Variants in DDI2 observed in about 807,000 individuals in gnomAD.
DDI2 encodes protein DDI1 homolog 2.
In DDI2, 5 loss-of-function variants were observed where a neutral mutation model predicts 48.1. The observed-to-expected ratio is 0.10, with a 90% confidence interval of 0.05 to 0.22. The LOEUF is 0.22. DDI2 is among the 10% of genes least tolerant of loss of function. The pLI, the probability that DDI2 is intolerant of heterozygous loss-of-function variation, is 1.00. For missense variants in DDI2, 285 were observed against 506.2 expected, an observed-to-expected ratio of 0.56 and a Z score of 4.19; for synonymous variants, 205 against 183.6, an observed-to-expected ratio of 1.12 and a Z score of -0.94.
intron 8 of DDI2, among the ~76,000 whole-genome samples, chr1:15,653,457 G>T (rs1344383835): frequency 6.6e-6 from 1 of 151,610 alleles, no homozygotes; most frequent in Non-Finnish European, 1.5e-5. Context: ...GGTTTATTTT[G>T]AAAAGTATCA....
chr1:15,618,487 T>A (rs543947080), intron 1 of DDI2, among the ~76,000 whole-genome samples: 1 of 152,306 alleles, frequency 6.6e-6, no homozygotes, highest in African/African-American at 2.4e-5. Context: ...ACCCTGGTAG[T>A]AAGCCAGAAG....
chr1:15,637,648 G>A (rs992634172), intron 4 of DDI2, among the ~76,000 whole-genome samples: 2 of 152,234 alleles, frequency 1.3e-5, no homozygotes, highest in Non-Finnish European at 2.9e-5. Context: ...GATTACAGGC[G>A]TGAGCCACCG....
chr1:15,638,444 C>T lies in DDI2; in HGVS notation c.760+10C>T. ...GCCTTTGTTGACTCAGGTGACGTCT[C>T]TGTCTTTTATTTCTTGGTCTCCCCT... On this transcript the variant is annotated intron_variant, in intron 5 of 9. Transcript: ENST00000480945. 2 of 1,609,980 alleles carry T rather than the reference C, an allele frequency of 1.2e-6. No individual in the cohort carries two copies. The highest frequency in any genetic ancestry group is 1.7e-6 in the Non-Finnish European group (2 of 1,177,880).
chr1:15,650,653 C>T (rs1640163738), intron 7 of DDI2, among the ~76,000 whole-genome samples: 1 of 152,092 alleles, frequency 6.6e-6, no homozygotes, highest in Non-Finnish European at 1.5e-5. Flanking sequence ...AAGAGGATCC[C>T]TTGAGACCAG....
In DDI2 at chr1:15,632,953, C is replaced by T. The variant is rs573481517; in HGVS notation, c.506-486C>T. ...TTTTAAAAAAAAAAAAACAGGGTCTCACCATGTCACCCAGGCTGGAGTGTG... is the reference window on the plus strand; with the variant it reads ...TTTTAAAAAAAAAAAAACAGGGTCTTACCATGTCACCCAGGCTGGAGTGTG... On this transcript the variant is annotated intron_variant, in intron 3 of 9. Coordinates refer to ENST00000480945, the MANE Select transcript of DDI2 (RefSeq NM_032341.5). 9.2e-5 allele frequency among the ~76,000 whole-genome samples: 13 copies of T among 141,316 alleles called. No individual in the cohort carries two copies. In the East Asian group the frequency reaches 2.7e-3, roughly 29 times the overall value. 92.7% of individuals were successfully genotyped at this position (141,316 alleles called of 152,430 possible). A position where few individuals can be genotyped will look rare whatever the true frequency, so the allele number is the denominator to read the frequency against.
chr1:15,633,762 T>C, intron 4 of DDI2, 197 bp downstream of exon 4: 1 of 738,140 alleles, frequency 1.4e-6, no homozygotes, highest in Non-Finnish European at 2.2e-6. Flanking sequence ...AAGATATAGG[T>C]GCTTAGTTTA....
At position 15,660,996 on chromosome 1, in the gene DDI2, A is replaced by G; in HGVS notation, c.*1206A>G. The G allele has an allele frequency of 6.2e-7, 1 of 1,614,056 alleles. No homozygotes were observed. Among genetic ancestry groups the G allele is most frequent in the Non-Finnish European group, 8.5e-7 (1 of 1,179,974 alleles). On this transcript the variant is annotated 3_prime_UTR_variant, in exon 10 of 10. Transcript: ENST00000480945. ...AACCAGCTTCAGAAAATACATCTGA[A>G]GAAGTAATCTGTCAATCAGAAACCA...
chr1:15,623,931 G>T (rs1639712069), intron 1 of DDI2, among the ~76,000 whole-genome samples: 1 of 152,114 alleles, frequency 6.6e-6, no homozygotes, highest in Admixed American at 6.5e-5. Context: ...GCTTGTGGGG[G>T]CAGGTGCCTG....
intron 6 of DDI2, among the ~76,000 whole-genome samples, chr1:15,647,533 A>G (rs1279876361): frequency 2.0e-5 from 3 of 152,178 alleles, no homozygotes; most frequent in Non-Finnish European, 4.4e-5. Flanking sequence ...TATAAGTGAA[A>G]CTACTGAATC....
intron 1 of DDI2, 50 bp downstream of exon 1, chr1:15,617,858 C>T (rs1440941873): frequency 2.7e-6 from 4 of 1,487,160 alleles, no homozygotes; most frequent in African/African-American, 2.8e-5. Flanking sequence ...CCCTCCCCGC[C>T]TCGGGGCCTC....
chr1:15,643,984 A>T (rs1442297808), intron 6 of DDI2, among the ~76,000 whole-genome samples: 1 of 152,194 alleles, frequency 6.6e-6, no homozygotes, highest in African/African-American at 2.4e-5. Context: ...CTGTTTACTC[A>T]TATGACTGTG....
chr1:15,617,481 G>C lies in DDI2; in HGVS notation c.-190G>C, dbSNP rs1639579873. 2.7e-6 allele frequency: 1 copy of C among 367,032 alleles called. No homozygotes were observed. The highest frequency in any genetic ancestry group is 2.1e-5 in the African/African-American group (1 of 47,016). 22.7% of individuals were successfully genotyped at this position (367,032 alleles called of 1,614,324 possible). A position where few individuals can be genotyped will look rare whatever the true frequency, so the allele number is the denominator to read the frequency against. ...GCAGACGGACTCGCAGGCGTGTGGC[G>C]GCGGCCGTGCTTGCTAGTGAGGGCG... is the stretch of plus-strand genomic sequence containing the variant. On this transcript the variant is annotated 5_prime_UTR_variant, in exon 1 of 10. Transcript: ENST00000480945.
chr1:15,645,023 C>CA (rs914740421), intron 6 of DDI2, among the ~76,000 whole-genome samples: 4 of 133,540 alleles, frequency 3.0e-5, no homozygotes, highest in African/African-American at 6.2e-5. Context: ...CCTGAGTAGC[C>CA]GGGTCACAGG....
intron 6 of DDI2, among the ~76,000 whole-genome samples, chr1:15,645,062 G>C (rs2103474263): frequency 6.6e-6 from 1 of 152,098 alleles, no homozygotes; most frequent in East Asian, 1.9e-4. Context: ...GCTAATTTTT[G>C]TATTCTTAGT....
At chr1:15,642,205 A>T (rs994000973) in intron 5 of DDI2, among the ~76,000 whole-genome samples, 29 of 152,334 alleles carry the variant, frequency 1.9e-4, no homozygotes, top group African/African-American at 6.7e-4. Flanking sequence ...AAGAATGTAG[A>T]ACTAGAGTTT....
rs912588363 is a variant in DDI2 at position 15,666,997 on chromosome 1, C to T, written c.*7207C>T. 3 of 152,014 alleles carry T rather than the reference C, an allele frequency of 2.0e-5. No individual in the cohort carries two copies. Among genetic ancestry groups the T allele is most frequent in the Non-Finnish European group, 4.4e-5 (3 of 68,042 alleles). The allele number at this position is 152,014 out of a possible 1,614,324, so 9.4% of individuals were successfully genotyped here. On this transcript the variant is annotated 3_prime_UTR_variant, in exon 10 of 10. Coordinates refer to ENST00000480945, the MANE Select transcript of DDI2 (RefSeq NM_032341.5). ...AGGCCAAGGTGGGTGGATATGAGGTCAGGAGGTCGAGACCAGCCTGGCCAA... is the reference window on the plus strand; with the variant it reads ...AGGCCAAGGTGGGTGGATATGAGGTTAGGAGGTCGAGACCAGCCTGGCCAA...
At chr1:15,647,485 T>C (rs1412721622) in intron 6 of DDI2, among the ~76,000 whole-genome samples, 1 of 152,160 alleles carries the variant, frequency 6.6e-6, no homozygotes, top group East Asian at 1.9e-4. Context: ...AGTATAGTTT[T>C]CTGCACATTT....
Position 15,668,266 on chromosome 1 carries a change from C to T in DDI2, c.*8476C>T, listed in dbSNP as rs538466365. 3 of 152,328 alleles carry T rather than the reference C, an allele frequency of 2.0e-5. No homozygotes were observed. Among genetic ancestry groups the T allele is most frequent in the East Asian group, 3.9e-4 (2 of 5,186 alleles). 9.4% of individuals were successfully genotyped at this position (152,328 alleles called of 1,614,324 possible). ...AGGCTGATTCGTTTCCTGATTCCTT[C>T]TGTCTGAGATTACCTGATGCTGACC... On this transcript the variant is annotated 3_prime_UTR_variant, in exon 10 of 10. Transcript: ENST00000480945.
At chr1:15,633,953 C>G in intron 4 of DDI2, 1 of 386,842 alleles carries the variant, frequency 2.6e-6, no homozygotes, top group East Asian at 7.3e-5. Context: ...TGTATAAGTC[C>G]TGATTAAATC....
Sources: allele counts gnomAD v4.1 joint callset (sites outside exome capture counted in the v4.1 genomes callset), GRCh38; gene constraint gnomAD v4.1.1; transcripts MANE v1.5; gene names NCBI Gene and HGNC (gene_info 2026-07-23, HGNC 2026-07-21).